The following UNC80 variants were observed in gnomAD, a reference collection of about 807,000 sequenced individuals.
The protein encoded by UNC80 is protein unc-80 homolog.
UNC80 carries 164 observed loss-of-function variants against 384.6 expected under a neutral mutation model. The ratio of observed to expected loss-of-function variants is 0.43; its 90% CI spans 0.38 to 0.49. UNC80 has a LOEUF of 0.49. Among genes scored for constraint, UNC80 ranks in the 20% least tolerant of loss-of-function variants. The probability of loss-of-function intolerance (pLI) is 0.00; values close to 1 mark genes in which losing one functional copy is unlikely to be tolerated. For synonymous variants in UNC80, 1,486 were observed against 1,527.8 expected, an observed-to-expected ratio of 0.97 and a Z score of 0.64; for missense variants, 3,330 against 4,143.0, an observed-to-expected ratio of 0.80 and a Z score of 5.39.
intron 21 of UNC80, among the ~76,000 whole-genome samples, chr2:209,843,331 G>C (rs548017972): frequency 6.6e-6 from 1 of 152,088 alleles, no homozygotes; most frequent in African/African-American, 2.4e-5. Flanking sequence ...TCACATAATT[G>C]GTTTGTATTG....
chr2:209,777,638 G>T, intron 4 of UNC80, 79 bp downstream of exon 4: 2 of 1,463,034 alleles, frequency 1.4e-6, no homozygotes, highest in South Asian at 2.7e-5. Context: ...TTCCATATTT[G>T]GTTGGGCATG....
rs983126157 is a variant in UNC80 at position 209,789,530 on chromosome 2, A to G, written c.725-2A>G. 2.5e-6 allele frequency: 4 copies of G among 1,609,252 alleles called. No individual in the cohort carries two copies. Among genetic ancestry groups the G allele is most frequent in the Non-Finnish European group, 3.4e-6 (4 of 1,177,330 alleles). ...ACGATGGAACTTCTTCCGTCTTTTC[A>G]GCTAAGAGAAGTTCTCCTATCAACA... On this transcript the variant is annotated splice_acceptor_variant, in intron 5 of 64. Transcript: ENST00000673920. LOFTEE classifies it high-confidence loss of function.
In UNC80 at chr2:209,943,427, A is replaced by T. The variant is rs1190325186; in HGVS notation, c.6963A>T (p.Glu2321Asp). ...ATCCCCAGCTGCGTCAAGCCATCGA[A>T]TTTGCCTGTCACCAGTTCTATATTC... ...ESNPQLRQAIEFACHQFYILH... is the reference protein window; with the variant it reads ...ESNPQLRQAIDFACHQFYILH... The change falls in exon 45 of 65, where the codon GAA (glutamate) becomes GAT (aspartate). Residue 2321 changes from glutamate to aspartate, a missense_variant. Physicochemically the swap from Glu to Asp is conservative, Grantham distance 45 (BLOSUM62 2). This residue lies in a region of UNC80 where 1,049 missense variants were observed against 1,488.6 expected (regional missense o/e 0.70). Transcript: ENST00000673920. 6.4e-7 allele frequency: 1 copy of T among 1,552,072 alleles called. No individual in the cohort carries two copies. Among genetic ancestry groups the T allele is most frequent in the Non-Finnish European group, 8.7e-7 (1 of 1,147,056 alleles).
At chr2:209,977,544 A>C (rs1575202176) in intron 58 of UNC80, among the ~76,000 whole-genome samples, 2 of 152,362 alleles carry the variant, frequency 1.3e-5, no homozygotes, top group East Asian at 3.9e-4. Flanking sequence ...AAACAGACAC[A>C]GTAGAAAATA....
At chr2:209,851,669 G>A (rs941096584) in intron 22 of UNC80, among the ~76,000 whole-genome samples, 2 of 151,840 alleles carry the variant, frequency 1.3e-5, no homozygotes, top group African/African-American at 4.8e-5. Context: ...TTTTCCGGAT[G>A]TCTTAGTGTA....
intron 51 of UNC80, among the ~76,000 whole-genome samples, chr2:209,966,625 A>G (rs1293433653): frequency 6.6e-6 from 1 of 152,190 alleles, no homozygotes; most frequent in Admixed American, 6.5e-5. Context: ...TATTTGGCCA[A>G]TTCTCCTTCA....
chr2:209,922,914 A>G (rs1161723407), intron 35 of UNC80, among the ~76,000 whole-genome samples: 1 of 152,172 alleles, frequency 6.6e-6, no homozygotes, highest in East Asian at 1.9e-4. Context: ...GCATCTTTTC[A>G]TATGCTTATT....
chr2:209,983,431 CATT>C (rs1308939086), intron 60 of UNC80, among the ~76,000 whole-genome samples: 33 of 152,106 alleles, frequency 2.2e-4, no homozygotes, highest in Non-Finnish European at 2.6e-4. Context: ...AGGTTTGTAT[CATT>C]GTAAGAAATT....
chr2:209,774,006 A>G (rs535011074), intron 2 of UNC80, among the ~76,000 whole-genome samples: 1 of 152,338 alleles, frequency 6.6e-6, no homozygotes, highest in South Asian at 2.1e-4. Flanking sequence ...GCCTTCATTA[A>G]TATTTGGAGC....
intron 50 of UNC80, 116 bp downstream of exon 50, chr2:209,959,270 G>A: frequency 2.3e-6 from 3 of 1,326,826 alleles, no homozygotes; most frequent in South Asian, 1.3e-5. Context: ...CTATTTCTGG[G>A]TAAACCCCCA....
chr2:209,808,842 TG>T, intron 7 of UNC80: 1 of 337,156 alleles, frequency 3.0e-6, no homozygotes, highest in South Asian at 2.5e-5. Context: ...TCCCTGACCC[TG>T]ATCGGAAGCC....
In UNC80 at chr2:209,773,083, T is replaced by G; in HGVS notation, c.93-11T>G. Reference sequence around the variant, plus strand: ...TATGTTTATTAACAAATATCTCTATTAATTTTTCAGTGCATTTTTGAGGCC... The same window carrying G: ...TATGTTTATTAACAAATATCTCTATGAATTTTTCAGTGCATTTTTGAGGCC... On this transcript the variant is annotated splice_polypyrimidine_tract_variant and intron_variant, in intron 1 of 64. Transcript: ENST00000673920. 1.9e-6 allele frequency: 3 copies of G among 1,606,412 alleles called. No individual in the cohort carries two copies. Among genetic ancestry groups the G allele is most frequent in the Non-Finnish European group, 2.6e-6 (3 of 1,173,846 alleles).
At chr2:209,943,071 T>C (rs1313397531) in intron 44 of UNC80, among the ~76,000 whole-genome samples, 1 of 152,210 alleles carries the variant, frequency 6.6e-6, no homozygotes, top group Non-Finnish European at 1.5e-5. Context: ...TCTCATATTT[T>C]CCACTGTTAT....
At chr2:209,791,967 T>C (rs1284962171) in intron 6 of UNC80, among the ~76,000 whole-genome samples, 1 of 152,090 alleles carries the variant, frequency 6.6e-6, no homozygotes, top group African/African-American at 2.4e-5. Flanking sequence ...CTAGTCTGAA[T>C]TGACACTGTA....
In UNC80 at chr2:209,973,120, G is replaced by A. The variant is rs367990168; in HGVS notation, c.8437G>A (p.Val2813Ile). Residue 2813 changes from valine to isoleucine, a missense_variant, in exon 56 of 65, where the codon GTA becomes ATA. By Grantham distance (29) the Val-to-Ile change is conservative (BLOSUM62 3). Around this residue, in one of 8 missense-constraint regions of UNC80, gnomAD observed 1,049 missense variants for 1,488.6 expected, o/e 0.70. Coordinates refer to ENST00000673920, the MANE Select transcript of UNC80 (RefSeq NM_001371986.1). ...GCTGCTGCTGCAGACAGTCATCAAT[G>A]TACTCCTCCCACCGCGGATCATCAG... Reference protein sequence around the residue: ...VQLLLQTVINVLLPPRIISTS... With the variant: ...VQLLLQTVINILLPPRIISTS... 5 of 1,551,406 alleles carry A rather than the reference G, an allele frequency of 3.2e-6. No homozygotes were observed. The East Asian group carries it at 7.3e-5, about 23-fold the overall frequency.
chr2:209,963,192 G>A (rs1208261635), intron 51 of UNC80, among the ~76,000 whole-genome samples: 1 of 152,166 alleles, frequency 6.6e-6, no homozygotes, highest in African/African-American at 2.4e-5. Context: ...AATAGAATCT[G>A]CAAATTCTCT....
At chr2:209,820,244 T>G in intron 12 of UNC80, 67 bp from the exon 13 acceptor site, 1 of 1,457,584 alleles carries the variant, frequency 6.9e-7, no homozygotes, top group Non-Finnish European at 9.0e-7. Context: ...AACAGAATAA[T>G]CAGATCTCTT....
At chr2:209,892,043 G>T (rs939985086) in intron 26 of UNC80, among the ~76,000 whole-genome samples, 2 of 152,158 alleles carry the variant, frequency 1.3e-5, no homozygotes, top group Admixed American at 6.5e-5. Flanking sequence ...TCTGGTAGAT[G>T]TGGTTAGAAA....
At chr2:209,798,643 G>A (rs1559108353) in intron 7 of UNC80, among the ~76,000 whole-genome samples, 1 of 151,530 alleles carries the variant, frequency 6.6e-6, no homozygotes, top group Non-Finnish European at 1.5e-5. Context: ...TGGCTATACG[G>A]CTCTCCTTTA....
Sources: gnomAD v4.1 joint callset for allele counts (sites outside exome capture counted in the v4.1 genomes callset) on GRCh38, gnomAD v4.1.1 for gene constraint, gnomAD v4.1.1 regional missense constraint, MANE v1.5 for transcripts, NCBI Gene and HGNC (gene_info 2026-07-23, HGNC 2026-07-21) for gene names.